Variants in SLIT1 observed in about 807,000 individuals in gnomAD.
The protein encoded by SLIT1 is slit guidance ligand 1, also known as slit homolog 1 protein.
SLIT1 carries 66 observed loss-of-function variants against 186.1 expected under a neutral mutation model. The ratio of observed to expected loss-of-function variants is 0.35; its 90% CI spans 0.29 to 0.44. The LOEUF (loss-of-function observed/expected upper bound fraction) is 0.44. Among genes scored for constraint, SLIT1 ranks in the 20% least tolerant of loss-of-function variants. The pLI, the probability that SLIT1 is intolerant of heterozygous loss-of-function variation, is 1.00. For missense variants in SLIT1, 1,638 were observed against 2,037.4 expected (o/e 0.80, Z 3.77); for synonymous variants, 761 against 833.8 (o/e 0.91, Z 1.50).
Position 97,068,769 on chromosome 10 carries a change from C to T in SLIT1, c.414-2683G>A, listed in dbSNP as rs1234396328. Among the ~76,000 whole-genome samples, 2 of 152,168 alleles carry T rather than the reference C, an allele frequency of 1.3e-5. No homozygotes were observed. The highest frequency in any genetic ancestry group is 2.9e-5 in the Non-Finnish European group (2 of 68,024). On this transcript the variant is annotated intron_variant, in intron 4 of 36. Coordinates refer to ENST00000266058, the MANE Select transcript of SLIT1 (RefSeq NM_003061.3). The surrounding 1 kb of genome is among the most constrained non-coding windows in gnomAD (Gnocchi z 4.2). ...GGTTACTTGTGCCATATCGCCAGCTCCCCAGTGTAGTCTGTCAGTATTCCT... is the reference window on the plus strand; with the variant it reads ...GGTTACTTGTGCCATATCGCCAGCTTCCCAGTGTAGTCTGTCAGTATTCCT...
intron 4 of SLIT1, among the ~76,000 whole-genome samples, chr10:97,138,952 G>A (rs1459840991): frequency 1.3e-5 from 2 of 152,146 alleles, no homozygotes; most frequent in Admixed American, 6.5e-5. Flanking sequence ...TCAGCAACCC[G>A]CAGCACCACC....
At chr10:97,013,216 G>A (rs1207173016) in intron 30 of SLIT1, among the ~76,000 whole-genome samples, 1 of 152,092 alleles carries the variant, frequency 6.6e-6, no homozygotes, top group African/African-American at 2.4e-5. Context: ...ACATTACGTG[G>A]GATGAATAAC....
chr10:97,031,803 G>T (rs1848593743), intron 23 of SLIT1, 126 bp from the exon 24 acceptor site: 2 of 709,340 alleles, frequency 2.8e-6, no homozygotes, highest in African/African-American at 3.6e-5. Context: ...AGGGGAGGCA[G>T]AGCAGCCGGC....
intron 1 of SLIT1, among the ~76,000 whole-genome samples, chr10:97,166,804 A>G (rs74711559): frequency 6.6e-6 from 1 of 152,136 alleles, no homozygotes; most frequent in East Asian, 1.9e-4. Flanking sequence ...ACACCCTCAC[A>G]CAACGCAAAA....
At chr10:97,008,032 AGCAG>A (rs141073207) in intron 31 of SLIT1, among the ~76,000 whole-genome samples, 19,516 of 151,326 alleles carry the variant, frequency 0.13, 1,606 homozygotes, top group East Asian at 0.4. Context: ...CAAGAAGGAA[AGCAG>A]GCAGGCAGGC....
At chr10:97,141,354 G>C (rs1000117679) in intron 4 of SLIT1, among the ~76,000 whole-genome samples, 5 of 152,084 alleles carry the variant, frequency 3.3e-5, no homozygotes, top group African/African-American at 9.7e-5. Flanking sequence ...TTACTCTCAG[G>C]GTTCCTCTAC....
At chr10:97,029,578 C>T (rs1848574016) in intron 25 of SLIT1, among the ~76,000 whole-genome samples, 1 of 152,144 alleles carries the variant, frequency 6.6e-6, no homozygotes, top group African/African-American at 2.4e-5. Flanking sequence ...TTAGGATGGC[C>T]CTGTCACAGT....
chr10:97,002,871 C>T lies in SLIT1; in HGVS notation c.3987G>A (p.Thr1329=), dbSNP rs149766806. Residue 1329 remains threonine (T), a synonymous_variant, in exon 35 of 37, where the codon ACG becomes ACA. Coordinates refer to ENST00000266058, the MANE Select transcript of SLIT1 (RefSeq NM_003061.3). ...CTGGCACCACGCCTGGCTTCATCTGCGTCTTGGTGAAGTCCTGCAGCTCGT... is the reference window on the plus strand; with the variant it reads ...CTGGCACCACGCCTGGCTTCATCTGTGTCTTGGTGAAGTCCTGCAGCTCGT... ...INNELQDFTK[T]QMKPGVVPGC... 1,303 of 1,614,230 alleles carry T rather than the reference C, an allele frequency of 8.1e-4. 10 individuals carry two copies. Among genetic ancestry groups the T allele is most frequent in the Non-Finnish European group, 8.4e-5 (99 of 1,180,040 alleles).
intron 1 of SLIT1, among the ~76,000 whole-genome samples, chr10:97,173,821 C>T (rs577415288): frequency 1.3e-5 from 2 of 152,294 alleles, no homozygotes; most frequent in South Asian, 4.1e-4. Flanking sequence ...AGAGTGAGCA[C>T]AGAATCTGAC....
chr10:97,137,879 A>G (rs1407876758), intron 4 of SLIT1, among the ~76,000 whole-genome samples: 4 of 152,222 alleles, frequency 2.6e-5, no homozygotes, highest in Non-Finnish European at 4.4e-5. Context: ...GTGCTCAACA[A>G]TTTAGATTGG....
At position 97,022,544 on chromosome 10, in the gene SLIT1, G is replaced by A. The variant is rs1392911043; in HGVS notation, c.2583-1131C>T. On this transcript the variant is annotated intron_variant, in intron 25 of 36. Transcript: ENST00000266058. The surrounding 1 kb of genome is among the most constrained non-coding windows in gnomAD (Gnocchi z 4.2). ...TAGAGCGCCTGTGGAGGGGAATTGT[G>A]TGACACTTATCATATGACTTATGCA... Among the ~76,000 whole-genome samples, 2 of 152,202 alleles carry A rather than the reference G, an allele frequency of 1.3e-5. No individual in the cohort carries two copies. Among genetic ancestry groups the A allele is most frequent in the South Asian group, 2.1e-4 (1 of 4,832 alleles).
At chr10:97,080,472 ATTTC>A (rs1849092754) in intron 4 of SLIT1, among the ~76,000 whole-genome samples, 1 of 152,200 alleles carries the variant, frequency 6.6e-6, no homozygotes, top group South Asian at 2.1e-4. Context: ...AATTTGCTAA[ATTTC>A]TTTGTTTCCT....
At chr10:97,120,692 C>A (rs73322773) in intron 4 of SLIT1, among the ~76,000 whole-genome samples, 24,049 of 152,078 alleles carry the variant, frequency 0.16, 2,550 homozygotes, top group African/African-American at 0.29. Flanking sequence ...TGATGCTAAG[C>A]GGCCGACACC....
At chr10:97,073,485 C>T (rs997924425) in intron 4 of SLIT1, among the ~76,000 whole-genome samples, 1 of 152,158 alleles carries the variant, frequency 6.6e-6, no homozygotes, top group Non-Finnish European at 1.5e-5. Context: ...CCCGGGGAAG[C>T]GGAGCCAGAC....
chr10:97,067,946 C>T (rs1293628048), intron 4 of SLIT1, among the ~76,000 whole-genome samples: 3 of 152,170 alleles, frequency 2.0e-5, no homozygotes, highest in Non-Finnish European at 2.9e-5. Context: ...TCAAGGCCGC[C>T]GCTGCCCTGT....
At chr10:97,133,012 G>A (rs745666979) in intron 4 of SLIT1, among the ~76,000 whole-genome samples, 6 of 152,152 alleles carry the variant, frequency 3.9e-5, no homozygotes, top group Non-Finnish European at 5.9e-5. Context: ...ACCAGCTAAC[G>A]TCCCCCAGTC....
intron 22 of SLIT1, among the ~76,000 whole-genome samples, chr10:97,037,100 ATG>A (rs1284444649): frequency 1.9e-4 from 14 of 75,444 alleles, no homozygotes; most frequent in Admixed American, 4.2e-4. Flanking sequence ...GTGTGTGTGT[ATG>A]TGTGTGTGTG....
chr10:97,121,294 C>T (rs537347442), intron 4 of SLIT1, among the ~76,000 whole-genome samples: 1 of 152,176 alleles, frequency 6.6e-6, no homozygotes, highest in African/African-American at 2.4e-5. Flanking sequence ...TGAAGGCAGT[C>T]GGCTTACCCC....
chr10:97,054,007 A>G (rs1323380328), intron 13 of SLIT1, among the ~76,000 whole-genome samples: 1 of 152,030 alleles, frequency 6.6e-6, no homozygotes, highest in African/African-American at 2.4e-5. Flanking sequence ...ATAAAGGAAT[A>G]CCTGAGACTA....
Sources: gnomAD v4.1 joint callset for allele counts (sites outside exome capture counted in the v4.1 genomes callset) on GRCh38, gnomAD v4.1.1 for gene constraint, Gnocchi (gnomAD v3.1) non-coding constraint, MANE v1.5 for transcripts, NCBI Gene and HGNC (gene_info 2026-07-23, HGNC 2026-07-21) for gene names.